Variants in SLC9A6 observed in about 807,000 individuals in gnomAD.
The protein encoded by SLC9A6 is solute carrier family 9 member A6, also known as sodium/hydrogen exchanger 6.
SLC9A6 carries 6 observed loss-of-function variants against 45.3 expected under a neutral mutation model. The ratio of observed to expected loss-of-function variants is 0.13; its 90% CI spans 0.07 to 0.26. The LOEUF is 0.26. SLC9A6 is among the 10% of genes least tolerant of loss of function. The pLI is 1.00. For missense variants in SLC9A6, 278 were observed against 503.7 expected, an observed-to-expected ratio of 0.55 and a Z score of 4.29; for synonymous variants, 191 against 187.7, an observed-to-expected ratio of 1.02 and a Z score of -0.14.
rs781817972 is a variant in SLC9A6 at position 136,015,591 on chromosome X, A to G, written c.1081-1054A>G. 8.9e-5 allele frequency among the ~76,000 whole-genome samples: 10 copies of G among 112,249 alleles called. No homozygotes were observed. The Admixed American group carries it at 9.5e-4, about 11-fold the overall frequency. On this transcript the variant is annotated intron_variant, in intron 10 of 17. Transcript: ENST00000630721. Reference sequence around the variant, plus strand: ...GATTAAAACGAGATAATGCATATGAAGTCCTTAGTATAGTATCAGACACAC... The same window carrying G: ...GATTAAAACGAGATAATGCATATGAGGTCCTTAGTATAGTATCAGACACAC...
intron 1 of SLC9A6, among the ~76,000 whole-genome samples, chrX:135,977,205 G>C: frequency 8.9e-6 from 1 of 112,222 alleles, no homozygotes; most frequent in Admixed American, 9.5e-5. Context: ...CCCCAGAAGT[G>C]CTGTTTGTTT....
chrX:136,003,952 T>C (rs1287054970), intron 7 of SLC9A6, among the ~76,000 whole-genome samples: 1 of 110,966 alleles, frequency 9.0e-6, no homozygotes, highest in East Asian at 2.8e-4. Flanking sequence ...CCAATTTAAT[T>C]GCAGACAATT....
chrX:135,998,389 T>C, intron 4 of SLC9A6, 93 bp from the exon 5 acceptor site: 2 of 630,098 alleles, frequency 3.2e-6, no homozygotes, highest in South Asian at 5.6e-5. Context: ...TCCTAGTGAA[T>C]AATGCATTTC....
rs558703648 is a variant in SLC9A6 at position 135,995,639 on chromosome X, A to G, written c.369+654A>G. Among the ~76,000 whole-genome samples, 6 of 112,311 alleles carry G rather than the reference A, an allele frequency of 5.3e-5. No homozygotes were observed. The South Asian group carries it at 2.2e-3, about 41-fold the overall frequency. ...GCGCCCAGCCGGTCCTTATAGTTTTATAGTACTTCAGCACATTGGCTTTAT... is the reference window on the plus strand; with the variant it reads ...GCGCCCAGCCGGTCCTTATAGTTTTGTAGTACTTCAGCACATTGGCTTTAT... On this transcript the variant is annotated intron_variant, in intron 3 of 17. Transcript: ENST00000630721.
intron 2 of SLC9A6, among the ~76,000 whole-genome samples, chrX:135,992,056 GT>G (rs2089441225): frequency 8.9e-6 from 1 of 111,805 alleles, no homozygotes; most frequent in Non-Finnish European, 1.9e-5. Context: ...AACTATGCGT[GT>G]GTCACAAGTA....
chrX:135,985,378 A>AGCG (rs1303145725), upstream of SLC9A6: 16 of 395,625 alleles, frequency 4.0e-5, no homozygotes, highest in East Asian at 5.4e-4. Flanking sequence ...CCCCTTTAAG[A>AGCG]GCGGCGGCGG....
chrX:136,002,388 G>A (rs1323316083), intron 7 of SLC9A6, among the ~76,000 whole-genome samples, 175 bp downstream of exon 7: 2 of 111,439 alleles, frequency 1.8e-5, no homozygotes, highest in Non-Finnish European at 3.8e-5. Flanking sequence ...ACAGGGAAGA[G>A]AAAAATATGT....
intron 13 of SLC9A6, among the ~76,000 whole-genome samples, chrX:136,025,142 T>C (rs1164146193): frequency 8.9e-6 from 1 of 112,574 alleles, no homozygotes; most frequent in Non-Finnish European, 1.9e-5. Flanking sequence ...CACTACTAGA[T>C]ATTATCATTT....
At chrX:136,005,455 C>T (rs916657799) in intron 7 of SLC9A6, among the ~76,000 whole-genome samples, 3 of 112,100 alleles carry the variant, frequency 2.7e-5, no homozygotes, top group South Asian at 3.6e-4. Context: ...CCGAGGCGGG[C>T]GGATCACCTG....
chrX:135,985,582 C>G, intron 1 of SLC9A6, 21 bp from the exon 2 acceptor site: 1 of 1,207,400 alleles, frequency 8.3e-7, no homozygotes, highest in Non-Finnish European at 1.1e-6. Flanking sequence ...CTCATGCGGC[C>G]CCTTTGGTTG....
rs1227534902 is a variant in SLC9A6 at position 136,013,287 on chromosome X, ACC to A, written c.992-61_992-60del. ...GCCTATAATCTACTGTGAAGAAAGA[ACC>A]TCAGTATAAAAGGTGGGAACCATCC... is the stretch of plus-strand genomic sequence containing the variant. On this transcript the variant is annotated intron_variant, in intron 9 of 17. Transcript: ENST00000630721. The A allele has an allele frequency of 4.5e-6, 4 of 883,157 alleles. No homozygotes were observed. The East Asian group carries it at 1.2e-4, about 27-fold the overall frequency. 72.8% of individuals were successfully genotyped at this position (883,157 alleles called of 1,213,427 possible).
At chrX:135,993,395 A>G in intron 2 of SLC9A6, among the ~76,000 whole-genome samples, 1 of 112,166 alleles carries the variant, frequency 8.9e-6, no homozygotes, top group Middle Eastern at 4.6e-3. Context: ...TGAATACACT[A>G]AAGACCACTG....
In SLC9A6 at chrX:136,030,031, A is replaced by G. The variant is rs1019633290; in HGVS notation, c.1551-101A>G. On this transcript the variant is annotated intron_variant, in intron 14 of 17. Coordinates refer to ENST00000630721, the MANE Select transcript of SLC9A6 (RefSeq NM_001379110.1). Reference sequence around the variant, plus strand: ...AGCAAGAAAACATTAACCATTCCATAGCTTCTGTGTTGAGAAAAGTAGTTG... The same window carrying G: ...AGCAAGAAAACATTAACCATTCCATGGCTTCTGTGTTGAGAAAAGTAGTTG... 7 of 801,077 alleles carry G rather than the reference A, an allele frequency of 8.7e-6. No homozygotes were observed. In the African/African-American group the frequency reaches 1.4e-4, roughly 16 times the overall value. The allele number at this position is 801,077 out of a possible 1,213,427, so 66.0% of individuals were successfully genotyped here.
chrX:136,004,584 C>G (rs1556617740), intron 7 of SLC9A6, among the ~76,000 whole-genome samples: 1 of 111,953 alleles, frequency 8.9e-6, no homozygotes, highest in Non-Finnish European at 1.9e-5. Context: ...GCCTGATTGT[C>G]TTCTGCAAAG....
chrX:136,020,197 G>A (rs782406209), intron 11 of SLC9A6, among the ~76,000 whole-genome samples: 17 of 111,493 alleles, frequency 1.5e-4, no homozygotes, highest in African/African-American at 3.9e-4. Flanking sequence ...GTTGTACTGC[G>A]TGGAAGGAAG....
intron 2 of SLC9A6, among the ~76,000 whole-genome samples, chrX:135,990,110 C>T (rs782385641): frequency 3.6e-5 from 4 of 111,098 alleles, no homozygotes; most frequent in Non-Finnish European, 5.7e-5. Flanking sequence ...CTCAGCCTCC[C>T]GAGTAGCTGG....
intron 17 of SLC9A6, 53 bp downstream of exon 17, chrX:136,040,234 T>C: frequency 1.2e-6 from 1 of 863,603 alleles, no homozygotes; most frequent in African/African-American, 2.0e-5. Flanking sequence ...ATTTATCTGC[T>C]CTGTGGATGA....
Position 136,046,284 on chromosome X carries a change from A to C in SLC9A6, c.*1560A>C, listed in dbSNP as rs1438295917. Reference sequence around the variant, plus strand: ...AAAGGCATCTATCTGTGCTATTGCAAACACTCCTTGAGATTTTAGGGGAAT... The same window carrying C: ...AAAGGCATCTATCTGTGCTATTGCACACACTCCTTGAGATTTTAGGGGAAT... On this transcript the variant is annotated 3_prime_UTR_variant, in exon 18 of 18. Coordinates refer to ENST00000630721, the MANE Select transcript of SLC9A6 (RefSeq NM_001379110.1). The C allele has an allele frequency of 1.8e-5, 2 of 112,475 alleles. No individual in the cohort carries two copies. The highest frequency in any genetic ancestry group is 6.5e-5 in the African/African-American group (2 of 30,824). 9.3% of individuals were successfully genotyped at this position (112,475 alleles called of 1,213,427 possible). A position where few individuals can be genotyped will look rare whatever the true frequency, so the allele number is the denominator to read the frequency against.
chrX:136,022,574 TA>T lies in SLC9A6; in HGVS notation c.1195-10del. On this transcript the variant is annotated splice_polypyrimidine_tract_variant and intron_variant, in intron 11 of 17. Transcript: ENST00000630721. Reference sequence around the variant, plus strand: ...TAAAATGAAATGATCCTTAACCTATTAATAATTTTAGGTTGCTATTTTCTTG... The same window carrying T: ...TAAAATGAAATGATCCTTAACCTATTATAATTTTAGGTTGCTATTTTCTTG... 1 of 1,036,344 alleles carries T rather than the reference TA, an allele frequency of 9.6e-7. No homozygotes were observed. Among genetic ancestry groups the T allele is most frequent in the Non-Finnish European group, 1.3e-6 (1 of 742,291 alleles). 85.4% of individuals were successfully genotyped at this position (1,036,344 alleles called of 1,213,427 possible). A position where few individuals can be genotyped will look rare whatever the true frequency, so the allele number is the denominator to read the frequency against.
Sources: gnomAD v4.1 joint callset for allele counts (sites outside exome capture counted in the v4.1 genomes callset) on GRCh38, gnomAD v4.1.1 for gene constraint, MANE v1.5 for transcripts, NCBI Gene and HGNC (gene_info 2026-07-23, HGNC 2026-07-21) for gene names.